Variants in CACUL1 observed in about 807,000 individuals in gnomAD.
The protein encoded by CACUL1 is CDK2 associated cullin domain 1.
In CACUL1, 13 loss-of-function variants were observed where a neutral mutation model predicts 45.2. The ratio of observed to expected loss-of-function variants is 0.29; its 90% CI spans 0.19 to 0.46. The LOEUF (loss-of-function observed/expected upper bound fraction) is 0.46, where lower values mean the gene tolerates loss of function less well. Among genes scored for constraint, CACUL1 ranks in the 20% least tolerant of loss-of-function variants. The pLI is 1.00. For synonymous variants in CACUL1, 197 were observed against 174.2 expected, an observed-to-expected ratio of 1.13 and a Z score of -1.03; for missense variants, 421 against 471.4, an observed-to-expected ratio of 0.89 and a Z score of 0.99.
rs1383614709 is a variant in CACUL1 at position 118,679,390 on chromosome 10, A to G, written c.*6738T>C. 6.6e-6 allele frequency: 1 copy of G among 150,940 alleles called. No homozygotes were observed. Among genetic ancestry groups the G allele is most frequent in the Non-Finnish European group, 1.5e-5 (1 of 67,802 alleles). 9.4% of individuals were successfully genotyped at this position (150,940 alleles called of 1,614,324 possible). On this transcript the variant is annotated 3_prime_UTR_variant, in exon 9 of 9. Coordinates refer to ENST00000369151, the MANE Select transcript of CACUL1 (RefSeq NM_153810.5). The stretch of plus-strand genomic sequence containing the variant: ...TTTTTTTAATTTATTTTTATTTTTT[A>G]TTTTTTGTAGAGACAGGGTTTCACC...
chr10:118,703,643 T>A (rs914287840), intron 4 of CACUL1, among the ~76,000 whole-genome samples: 1 of 152,180 alleles, frequency 6.6e-6, no homozygotes, highest in African/African-American at 2.4e-5. Context: ...TAATGCGAAA[T>A]AGTCTTCCAA....
intron 3 of CACUL1, among the ~76,000 whole-genome samples, chr10:118,712,232 G>T (rs1845492784): frequency 1.3e-5 from 2 of 152,198 alleles, no homozygotes; most frequent in South Asian, 4.1e-4. Flanking sequence ...CACTCGACCT[G>T]GCAGGCTGCG....
chr10:118,743,013 G>A (rs960811306), intron 1 of CACUL1, among the ~76,000 whole-genome samples: 7 of 152,314 alleles, frequency 4.6e-5, no homozygotes, highest in Middle Eastern at 3.4e-3. Flanking sequence ...ACTGGATACA[G>A]TTCTAACAGT....
chr10:118,726,319 T>C, intron 3 of CACUL1: 12 of 1,288,282 alleles, frequency 9.3e-6, no homozygotes, highest in Non-Finnish European at 1.2e-5. Context: ...TGAAGCTAAT[T>C]ATGCTACTCT....
chr10:118,751,985 T>C (rs1845902851), intron 1 of CACUL1, among the ~76,000 whole-genome samples: 1 of 152,202 alleles, frequency 6.6e-6, no homozygotes, highest in African/African-American at 2.4e-5. Flanking sequence ...TAGTTATCAC[T>C]AGTTTAGTAA....
At position 118,747,642 on chromosome 10, in the gene CACUL1, G is replaced by T. The variant is rs146652745; in HGVS notation, c.367+6754C>A. On this transcript the variant is annotated intron_variant, in intron 1 of 8. Transcript: ENST00000369151. ...AACTGACATATGCGAGAACGTGGAAGAATCTCAAGAACAGAATAAGAAACA... is the reference window on the plus strand; with the variant it reads ...AACTGACATATGCGAGAACGTGGAATAATCTCAAGAACAGAATAAGAAACA... 3.0e-4 allele frequency among the ~76,000 whole-genome samples: 45 copies of T among 147,590 alleles called. No individual in the cohort carries two copies. In the East Asian group the frequency reaches 8.5e-3, roughly 28 times the overall value.
chr10:118,686,813 G>A, intron 7 of CACUL1, 172 bp from the exon 8 acceptor site: 1 of 606,902 alleles, frequency 1.6e-6, no homozygotes, highest in Non-Finnish European at 2.9e-6. Flanking sequence ...GCTTTCTGCA[G>A]ATGGAAGAAC....
intron 3 of CACUL1, among the ~76,000 whole-genome samples, chr10:118,709,498 AAG>A (rs1190795253): frequency 6.6e-6 from 1 of 152,254 alleles, no homozygotes; most frequent in African/African-American, 2.4e-5. Context: ...TCTTCCAACT[AAG>A]AATTCATTCC....
chr10:118,702,445 A>G (rs909790991), intron 4 of CACUL1, among the ~76,000 whole-genome samples: 1 of 152,226 alleles, frequency 6.6e-6, no homozygotes, highest in African/African-American at 2.4e-5. Flanking sequence ...CCAACCCTGG[A>G]CACAGCCTTA....
At chr10:118,735,329 T>G (rs1264498429) in intron 1 of CACUL1, among the ~76,000 whole-genome samples, 1 of 152,232 alleles carries the variant, frequency 6.6e-6, no homozygotes, top group Non-Finnish European at 1.5e-5. Context: ...GTAAGCATTA[T>G]GAATTCATAC....
In CACUL1 at chr10:118,684,164, G is replaced by A. The variant is rs1190355839; in HGVS notation, c.*1964C>T. The stretch of plus-strand genomic sequence containing the variant: ...ACATTATACTGTGATGCTTTTATAG[G>A]GAAAGTTCTTTTGTAAAAGAATGCT... On this transcript the variant is annotated 3_prime_UTR_variant, in exon 9 of 9. Transcript: ENST00000369151. 1.3e-5 allele frequency: 2 copies of A among 152,528 alleles called. No individual in the cohort carries two copies. The highest frequency in any genetic ancestry group is 2.9e-5 in the Non-Finnish European group (2 of 68,020). 9.4% of individuals were successfully genotyped at this position (152,528 alleles called of 1,614,324 possible). A position where few individuals can be genotyped will look rare whatever the true frequency, so the allele number is the denominator to read the frequency against.
At chr10:118,698,851 A>C (rs560626654) in intron 5 of CACUL1, among the ~76,000 whole-genome samples, 1 of 152,260 alleles carries the variant, frequency 6.6e-6, no homozygotes, top group East Asian at 1.9e-4. Flanking sequence ...TTCCAGATCT[A>C]TCTGAAGCCA....
intron 5 of CACUL1, 39 bp downstream of exon 5, chr10:118,701,267 T>C: frequency 9.0e-7 from 1 of 1,111,506 alleles, no homozygotes; most frequent in Non-Finnish European, 1.3e-6. Context: ...GAAAGATCAT[T>C]GCTAGTGTTA....
intron 4 of CACUL1, among the ~76,000 whole-genome samples, chr10:118,704,962 C>T (rs1309735584): frequency 6.6e-6 from 1 of 152,200 alleles, no homozygotes; most frequent in Non-Finnish European, 1.5e-5. Context: ...GAGCAAGGCC[C>T]GGGTGGGGCA....
intron 1 of CACUL1, among the ~76,000 whole-genome samples, chr10:118,739,765 C>T (rs1313275624): frequency 2.6e-5 from 4 of 152,220 alleles, no homozygotes; most frequent in Admixed American, 1.3e-4. Context: ...GCTTCACAGA[C>T]AAAAACAAAA....
rs976343421 is a variant in CACUL1, at chr10:118,679,397, G to A, written c.*6731C>T. On this transcript the variant is annotated 3_prime_UTR_variant, in exon 9 of 9. Transcript: ENST00000369151. ...AATTTATTTTTATTTTTTATTTTTTGTAGAGACAGGGTTTCACCATGTTAG... is the reference window on the plus strand; with the variant it reads ...AATTTATTTTTATTTTTTATTTTTTATAGAGACAGGGTTTCACCATGTTAG... The A allele has an allele frequency of 8.9e-5, 11 of 124,108 alleles. No homozygotes were observed. Among genetic ancestry groups the A allele is most frequent in the African/African-American group, 3.8e-4 (11 of 28,736 alleles). 7.7% of individuals were successfully genotyped at this position (124,108 alleles called of 1,614,324 possible).
At chr10:118,718,119 T>C (rs572302752) in intron 3 of CACUL1, among the ~76,000 whole-genome samples, 1 of 152,288 alleles carries the variant, frequency 6.6e-6, no homozygotes, top group South Asian at 2.1e-4. Context: ...TGTCTACCAC[T>C]GGAAGACAGG....
intron 1 of CACUL1, among the ~76,000 whole-genome samples, chr10:118,748,803 T>C (rs1204876309): frequency 3.3e-5 from 5 of 152,114 alleles, no homozygotes; most frequent in Non-Finnish European, 5.9e-5. Flanking sequence ...TAAGTATTAG[T>C]AGGGTAAAAT....
At chr10:118,690,640 T>C (rs892896084) in intron 7 of CACUL1, among the ~76,000 whole-genome samples, 3 of 152,200 alleles carry the variant, frequency 2.0e-5, no homozygotes, top group African/African-American at 7.2e-5. Flanking sequence ...AAAAGTACAT[T>C]ATAACAGATC....
Sources: gnomAD v4.1 joint callset for allele counts (sites outside exome capture counted in the v4.1 genomes callset) on GRCh38, gnomAD v4.1.1 for gene constraint, MANE v1.5 for transcripts, NCBI Gene and HGNC (gene_info 2026-07-23, HGNC 2026-07-21) for gene names.